Variants in FRMPD4 observed in about 807,000 individuals in gnomAD.
FRMPD4 encodes the protein FERM and PDZ domain-containing protein 4.
A neutral mutation model predicts 94.1 loss-of-function variants in FRMPD4; 22 were observed. The observed-to-expected ratio is 0.23, with a 90% CI of 0.17 to 0.33. The LOEUF (loss-of-function observed/expected upper bound fraction) is 0.33, where lower values mean the gene tolerates loss of function less well. Ranked by LOEUF, FRMPD4 falls within the 10% of genes least tolerant of loss-of-function variation. The pLI is 1.00. For synonymous variants in FRMPD4, 631 were observed against 548.6 expected (o/e 1.15, Z -2.10); for missense variants, 1,111 against 1,339.9 (o/e 0.83, Z 2.67).
intron 1 of FRMPD4, among the ~76,000 whole-genome samples, chrX:12,203,722 C>A (rs2056657117): frequency 8.9e-6 from 1 of 112,349 alleles, no homozygotes; most frequent in Non-Finnish European, 1.9e-5. Flanking sequence ...TTCTGTTAAT[C>A]TATTTATTTA....
chrX:11,950,000 G>T (rs996207031), intron 3 of FRMPD4, among the ~76,000 whole-genome samples: 42 of 111,974 alleles, frequency 3.8e-4, no homozygotes, highest in African/African-American at 1.3e-3. Context: ...AATATGGTTT[G>T]GTTCTGTTTC....
chrX:12,186,200 C>A (rs2056422679), intron 1 of FRMPD4, among the ~76,000 whole-genome samples: 1 of 111,174 alleles, frequency 9.0e-6, no homozygotes. Flanking sequence ...GTGTCAGATG[C>A]CTCCCTGCTA....
chrX:12,604,380 T>C (rs1159481287), intron 2 of FRMPD4, among the ~76,000 whole-genome samples: 1 of 112,225 alleles, frequency 8.9e-6, no homozygotes, highest in African/African-American at 3.2e-5. Context: ...GATTTTCTCC[T>C]ACCTTCTTTT....
intron 1 of FRMPD4, among the ~76,000 whole-genome samples, chrX:12,140,869 T>C (rs762319522): frequency 3.7e-4 from 41 of 111,938 alleles, no homozygotes; most frequent in African/African-American, 1.2e-3. Context: ...AGTAAATGAG[T>C]GTGAGTTTCA....
At chrX:12,611,920 A>C (rs1234849458) in intron 3 of FRMPD4, among the ~76,000 whole-genome samples, 1 of 110,284 alleles carries the variant, frequency 9.1e-6, no homozygotes, top group Non-Finnish European at 1.9e-5. Flanking sequence ...ATAGAGGAGA[A>C]AGTAAAAAAA....
intron 2 of FRMPD4, among the ~76,000 whole-genome samples, chrX:12,502,548 C>A (rs1174093691): frequency 1.8e-5 from 2 of 110,813 alleles, no homozygotes; most frequent in Non-Finnish European, 3.8e-5. Context: ...AAGTGAGATA[C>A]TCTAAGGTGA....
At chrX:12,505,753 G>GA (rs2057977217) in intron 2 of FRMPD4, among the ~76,000 whole-genome samples, 1 of 107,312 alleles carries the variant, frequency 9.3e-6, no homozygotes, top group South Asian at 4.1e-4. Flanking sequence ...AAAAAAAGGG[G>GA]GGGAGAGCAA....
intron 1 of FRMPD4, among the ~76,000 whole-genome samples, chrX:12,378,340 G>A (rs1439889300): frequency 8.9e-6 from 1 of 112,716 alleles, no homozygotes; most frequent in African/African-American, 3.2e-5. Flanking sequence ...TTTTCGCAAT[G>A]TGCTTTTTCA....
chrX:12,039,111 C>G (rs1215413584), intron 3 of FRMPD4, among the ~76,000 whole-genome samples: 1 of 110,638 alleles, frequency 9.0e-6, no homozygotes, highest in African/African-American at 3.3e-5. Flanking sequence ...GAAGCGATCC[C>G]CCCACCTCAG....
intron 1 of FRMPD4, among the ~76,000 whole-genome samples, chrX:12,415,622 T>C (rs1356051449): frequency 3.6e-5 from 4 of 111,679 alleles, no homozygotes; most frequent in African/African-American, 1.3e-4. Flanking sequence ...TAACACCCAA[T>C]TGCTATTTAA....
chrX:12,633,241 A>G (rs2059412584), intron 4 of FRMPD4, among the ~76,000 whole-genome samples: 1 of 112,215 alleles, frequency 8.9e-6, no homozygotes, highest in African/African-American at 3.2e-5. Context: ...GGTGAGAGGA[A>G]GTGAATAGAG....
intron 1 of FRMPD4, among the ~76,000 whole-genome samples, chrX:12,491,441 T>C (rs376063998): frequency 1.1e-4 from 12 of 112,015 alleles, no homozygotes; most frequent in East Asian, 5.6e-4. Context: ...TTCATTTAAC[T>C]ACATCCTATG....
chrX:12,527,683 A>G (rs139603904), intron 2 of FRMPD4, among the ~76,000 whole-genome samples: 2 of 111,284 alleles, frequency 1.8e-5, no homozygotes, highest in Non-Finnish European at 3.8e-5. Flanking sequence ...TGTAATCTAC[A>G]CTGGGTCAAT....
At chrX:12,255,070 A>G (rs1485486341) in intron 1 of FRMPD4, among the ~76,000 whole-genome samples, 1 of 111,708 alleles carries the variant, frequency 9.0e-6, no homozygotes, top group Non-Finnish European at 1.9e-5. Flanking sequence ...TCCTTCCTGC[A>G]ATGGAGTAGA....
chrX:12,168,038 TG>T (rs202024878), intron 1 of FRMPD4, among the ~76,000 whole-genome samples: 5,484 of 110,307 alleles, frequency 0.05, 333 homozygotes, highest in African/African-American at 0.17. Flanking sequence ...TGGTATCTAG[TG>T]GCTAGAGGTT....
At chrX:12,407,193 T>C (rs1457082240) in intron 1 of FRMPD4, among the ~76,000 whole-genome samples, 1 of 111,920 alleles carries the variant, frequency 8.9e-6, no homozygotes, top group Non-Finnish European at 1.9e-5. Flanking sequence ...GCAAAGTCCC[T>C]TTTGCCTTGC....
chrX:12,715,997 A>AGCCGGGGGG, intron 14 of FRMPD4, 72 bp from the exon 15 acceptor site: 3 of 387,125 alleles, frequency 7.7e-6, no homozygotes, highest in East Asian at 4.3e-5. Flanking sequence ...AACAGAGACG[A>AGCCGGGGGG]GCCTCCCACC....
chrX:11,826,535 G>T (rs897991824), intron 1 of FRMPD4, among the ~76,000 whole-genome samples: 1 of 111,771 alleles, frequency 8.9e-6, no homozygotes, highest in African/African-American at 3.3e-5. Context: ...CTGACAGGAA[G>T]CATAAATAAT....
At chrX:12,117,286 T>TA (rs2055417620) in intron 3 of FRMPD4, among the ~76,000 whole-genome samples, 2 of 111,381 alleles carry the variant, frequency 1.8e-5, no homozygotes. Context: ...TTCATTATTT[T>TA]AAAAAATCTT....
Sources: allele counts gnomAD v4.1 joint callset (sites outside exome capture counted in the v4.1 genomes callset), GRCh38; gene constraint gnomAD v4.1.1; transcripts MANE v1.5; gene names NCBI Gene and HGNC (gene_info 2026-07-23, HGNC 2026-07-21).